ATG13: variants seen among roughly 807,000 people sequenced by gnomAD.
The protein encoded by ATG13 is autophagy related 13, also known as autophagy-related protein 13.
A neutral mutation model predicts 65.5 loss-of-function variants in ATG13; 23 were observed. The observed-to-expected ratio is 0.35, with a 90% CI of 0.25 to 0.50. ATG13 has a LOEUF of 0.50. Ranked by LOEUF, ATG13 falls within the 20% of genes least tolerant of loss-of-function variation. The pLI, the probability that ATG13 is intolerant of heterozygous loss-of-function variation, is 0.98. For missense variants in ATG13, 566 were observed against 677.0 expected, an observed-to-expected ratio of 0.84 and a Z score of 1.82; for synonymous variants, 252 against 245.2, an observed-to-expected ratio of 1.03 and a Z score of -0.26.
At chr11:46,624,794 A>G (rs947770844) in intron 1 of ATG13, among the ~76,000 whole-genome samples, 2 of 152,096 alleles carry the variant, frequency 1.3e-5, no homozygotes, top group African/African-American at 2.4e-5. Context: ...GCACTTTGGG[A>G]GGCTGAGGTG....
chr11:46,623,375 T>G (rs1007456030), intron 1 of ATG13, among the ~76,000 whole-genome samples: 8 of 152,248 alleles, frequency 5.3e-5, no homozygotes, highest in African/African-American at 1.9e-4. Flanking sequence ...GGGTGAAAGT[T>G]TTTCTCCACT....
chr11:46,628,421 C>T (rs2050483096), intron 1 of ATG13, among the ~76,000 whole-genome samples: 1 of 151,742 alleles, frequency 6.6e-6, no homozygotes, highest in African/African-American at 2.4e-5. Context: ...AACAAAACCC[C>T]GCGTTTTAAG....
chr11:46,622,366 C>T (rs1444818513), intron 1 of ATG13, among the ~76,000 whole-genome samples: 1 of 151,830 alleles, frequency 6.6e-6, no homozygotes, highest in African/African-American at 2.4e-5. Flanking sequence ...ATCCGCCTGC[C>T]TCGGTCTCCC....
chr11:46,653,867 C>T (rs1025653629), intron 7 of ATG13, among the ~76,000 whole-genome samples: 5 of 151,834 alleles, frequency 3.3e-5, no homozygotes, highest in African/African-American at 7.3e-5. Flanking sequence ...CCGCGCCTGG[C>T]GAAGCTTCTT....
At chr11:46,656,182 C>A in intron 7 of ATG13, 51 bp from the exon 8 acceptor site, 1 of 1,544,616 alleles carries the variant, frequency 6.5e-7, no homozygotes, top group Non-Finnish European at 8.9e-7. Context: ...GCTATAGAGG[C>A]CCTTAGGAGT....
rs1244024053 is a variant in ATG13, at chr11:46,672,290, G to T, written c.1611G>T (p.Lys537Asn). 1.2e-6 allele frequency: 2 copies of T among 1,614,148 alleles called. No individual in the cohort carries two copies. Among genetic ancestry groups the T allele is most frequent in the African/African-American group, 1.3e-5 (1 of 74,946 alleles). Reference sequence around the variant, plus strand: ...CAGAGAAGCTGGCTGTGCATGAGAAGAATGTCCGCGAGTTTGATGCCTTTG... The same window carrying T: ...CAGAGAAGCTGGCTGTGCATGAGAATAATGTCCGCGAGTTTGATGCCTTTG... ...SLPEKLAVHE[K>N]NVREFDAFVE... Residue 537 changes from lysine to asparagine, a missense_variant, in exon 19 of 19, where the codon AAG becomes AAT. Physicochemically the swap from Lys to Asn is moderately conservative, Grantham distance 94. Transcript: ENST00000683050.
chr11:46,654,800 A>C (rs925225777), intron 7 of ATG13, among the ~76,000 whole-genome samples: 2 of 151,620 alleles, frequency 1.3e-5, no homozygotes, highest in Non-Finnish European at 2.9e-5. Context: ...AATTATTTTT[A>C]AAAAACCCGA....
chr11:46,662,688 A>G (rs941190975), intron 11 of ATG13, among the ~76,000 whole-genome samples: 4 of 152,186 alleles, frequency 2.6e-5, no homozygotes, highest in African/African-American at 9.7e-5. Flanking sequence ...GGCAGTAGAG[A>G]GACAGTCATT....
intron 1 of ATG13, among the ~76,000 whole-genome samples, chr11:46,619,158 T>C (rs1231751440): frequency 1.3e-5 from 2 of 152,064 alleles, no homozygotes; most frequent in African/African-American, 4.8e-5. Context: ...TCCTATCAAA[T>C]TGTGGAAACC....
rs1230276251 is a variant in ATG13 at position 46,644,276 on chromosome 11, T to C, written c.-13-3T>C. On this transcript the variant is annotated splice_polypyrimidine_tract_variant and splice_region_variant and intron_variant, in intron 2 of 18. Transcript: ENST00000683050. ...TCATATTTTTTTCACTTTTTTTTTTTAGATTCCTATAGGCAATGGAAACTG... is the reference window on the plus strand; with the variant it reads ...TCATATTTTTTTCACTTTTTTTTTTCAGATTCCTATAGGCAATGGAAACTG... 6.4e-7 allele frequency: 1 copy of C among 1,573,004 alleles called. No individual in the cohort carries two copies. The highest frequency in any genetic ancestry group is 1.4e-5 in the African/African-American group (1 of 72,450).
At position 46,644,357 on chromosome 11, in the gene ATG13, C is replaced by G. The variant is rs778611963; in HGVS notation, c.66C>G (p.Leu22=). Residue 22 remains leucine, a synonymous_variant, in exon 3 of 19, where the codon CTC becomes CTG. Transcript: ENST00000683050. ...ACAAGTTTATTAAATTTTTTGCCCTCAAGGTAATGTGTCCATTCTCTTGAG... is the reference window on the plus strand; with the variant it reads ...ACAAGTTTATTAAATTTTTTGCCCTGAAGGTAATGTGTCCATTCTCTTGAG... ...DLDKFIKFFA[L]KTVQVIVQAR... is the part of the protein sequence containing the mutation. 1 of 1,606,630 alleles carries G rather than the reference C, an allele frequency of 6.2e-7. No individual in the cohort carries two copies. The highest frequency in any genetic ancestry group is 1.1e-5 in the South Asian group (1 of 89,756).
At chr11:46,635,004 G>GT (rs1489799382) in intron 2 of ATG13, among the ~76,000 whole-genome samples, 1 of 145,870 alleles carries the variant, frequency 6.9e-6, no homozygotes, top group Admixed American at 6.9e-5. Context: ...CCTGGCCTAG[G>GT]TTTTTTTTGT....
chr11:46,668,444 G>T (rs2062894375), intron 15 of ATG13, 55 bp from the exon 16 acceptor site: 1 of 1,559,126 alleles, frequency 6.4e-7, no homozygotes, highest in East Asian at 2.2e-5. Flanking sequence ...CAGGAAGGAA[G>T]CATGAACACT....
In ATG13 at chr11:46,648,512, C is replaced by T. The variant is rs182643889; in HGVS notation, c.271-625C>T. Among the ~76,000 whole-genome samples, 14 of 152,168 alleles carry T rather than the reference C, an allele frequency of 9.2e-5. No individual in the cohort carries two copies. In the East Asian group the frequency reaches 2.3e-3, roughly 25 times the overall value. ...AAACAACCTTGGCCGGGCGCAGTGG[C>T]TTACGCCTGTAATCCCAGCACTTTG... On this transcript the variant is annotated intron_variant, in intron 5 of 18. Coordinates refer to ENST00000683050, the MANE Select transcript of ATG13 (RefSeq NM_001346311.2).
At chr11:46,669,720 C>T (rs1342209565) in intron 18 of ATG13, among the ~76,000 whole-genome samples, 188 bp downstream of exon 18, 2 of 152,178 alleles carry the variant, frequency 1.3e-5, no homozygotes, top group African/African-American at 4.8e-5. Context: ...TTTGCTTGAG[C>T]TTGGTTCCTT....
At chr11:46,669,323 T>C in intron 17 of ATG13, 81 bp from the exon 18 acceptor site, 1 of 1,526,658 alleles carries the variant, frequency 6.6e-7, no homozygotes. Flanking sequence ...TTTTGATAAT[T>C]GCTAGAAGGA....
At chr11:46,642,886 C>G (rs1422590048) in intron 2 of ATG13, among the ~76,000 whole-genome samples, 1 of 152,178 alleles carries the variant, frequency 6.6e-6, no homozygotes, top group Non-Finnish European at 1.5e-5. Context: ...TCAAGATGCT[C>G]ATGGTCTGGC....
intron 11 of ATG13, chr11:46,660,167 A>G (rs1384350399): frequency 6.6e-6 from 1 of 152,242 alleles, no homozygotes; most frequent in African/African-American, 2.4e-5. Flanking sequence ...GCCTTCCACC[A>G]CAAGTCACTC....
chr11:46,632,222 C>T lies in ATG13; in HGVS notation c.-14+2122C>T, dbSNP rs1464747918. ...TTACCTGATTAAGGCATTTTAGAAACAGTGACATGATAAATTTAATCAATT... is the reference window on the plus strand; with the variant it reads ...TTACCTGATTAAGGCATTTTAGAAATAGTGACATGATAAATTTAATCAATT... On this transcript the variant is annotated intron_variant, in intron 2 of 18. Transcript: ENST00000683050. 5 of 152,084 alleles carry T rather than the reference C, an allele frequency of 3.3e-5. No individual in the cohort carries two copies. In the East Asian group the frequency reaches 9.6e-4, roughly 29 times the overall value. 9.4% of individuals were successfully genotyped at this position (152,084 alleles called of 1,614,324 possible).
Sources: gnomAD v4.1 joint callset for allele counts (sites outside exome capture counted in the v4.1 genomes callset) on GRCh38, gnomAD v4.1.1 for gene constraint, MANE v1.5 for transcripts, NCBI Gene and HGNC (gene_info 2026-07-23, HGNC 2026-07-21) for gene names.